The following SLC39A11 variants were observed in gnomAD, a reference collection of about 807,000 sequenced individuals.
SLC39A11 encodes solute carrier family 39 member 11.
Under a neutral mutation model 36.1 loss-of-function variants are expected in SLC39A11, and 33 were observed. The observed-to-expected ratio is 0.91, with a 90% CI of 0.69 to 1.22. SLC39A11 has a LOEUF of 1.22. SLC39A11 is among the 50% of genes most tolerant of loss of function. SLC39A11 has a pLI of 0.00. For missense variants in SLC39A11, 432 were observed against 430.3 expected, an observed-to-expected ratio of 1.00 and a Z score of -0.03; for synonymous variants, 166 against 170.3, an observed-to-expected ratio of 0.97 and a Z score of 0.20.
chr17:73,038,025 C>G (rs1342408741), intron 3 of SLC39A11, among the ~76,000 whole-genome samples: 1 of 152,206 alleles, frequency 6.6e-6, no homozygotes, highest in Admixed American at 6.5e-5. Flanking sequence ...GAGTTCATGA[C>G]CAGCCTGGCC....
At chr17:73,035,519 C>G (rs1276734320) in intron 3 of SLC39A11, among the ~76,000 whole-genome samples, 1 of 152,052 alleles carries the variant, frequency 6.6e-6, no homozygotes, top group African/African-American at 2.4e-5. Flanking sequence ...TTTCACCTTA[C>G]AAGTAAAAAG....
At chr17:73,049,195 A>C (rs560952311) in intron 3 of SLC39A11, among the ~76,000 whole-genome samples, 10 of 152,282 alleles carry the variant, frequency 6.6e-5, no homozygotes, top group Admixed American at 2.6e-4. Context: ...GATCTGGCAG[A>C]GGATATATCA....
chr17:72,686,022 ACT>A (rs777204085), intron 7 of SLC39A11, among the ~76,000 whole-genome samples: 5 of 148,300 alleles, frequency 3.4e-5, no homozygotes, highest in East Asian at 2.0e-4. Flanking sequence ...GGTGACTGAG[ACT>A]CTGTCTTAAA....
At chr17:72,838,057 G>T in intron 6 of SLC39A11, 1 of 1,145,406 alleles carries the variant, frequency 8.7e-7, no homozygotes, top group Non-Finnish European at 1.1e-6. Context: ...GCTGAAGCAG[G>T]AGGTTCTCTT....
chr17:72,654,063 G>T (rs986064089), intron 7 of SLC39A11, among the ~76,000 whole-genome samples: 28 of 152,160 alleles, frequency 1.8e-4, no homozygotes, highest in African/African-American at 6.8e-4. Flanking sequence ...GGGGCATGGG[G>T]AGTGAGCGGG....
At chr17:72,665,704 G>T (rs545788290) in intron 7 of SLC39A11, among the ~76,000 whole-genome samples, 1 of 151,980 alleles carries the variant, frequency 6.6e-6, no homozygotes, top group Non-Finnish European at 1.5e-5. Context: ...GAGGTATTCC[G>T]TTACGCAGCA....
intron 5 of SLC39A11, among the ~76,000 whole-genome samples, chr17:72,861,688 T>TATATAA (rs1169877556): frequency 6.8e-5 from 6 of 88,800 alleles, no homozygotes; most frequent in African/African-American, 1.8e-4. Context: ...TATATATATA[T>TATATAA]AAAATATATA....
intron 4 of SLC39A11, among the ~76,000 whole-genome samples, chr17:73,008,746 C>A (rs976285170): frequency 6.6e-6 from 1 of 152,060 alleles, no homozygotes; most frequent in Non-Finnish European, 1.5e-5. Flanking sequence ...GAATATTCTT[C>A]ATCCAAAAAA....
At chr17:72,920,684 C>A (rs1257175188) in intron 5 of SLC39A11, among the ~76,000 whole-genome samples, 3 of 125,814 alleles carry the variant, frequency 2.4e-5, no homozygotes, top group Non-Finnish European at 5.1e-5. Flanking sequence ...CACTTCTCAC[C>A]CCCTTACAAC....
chr17:72,969,501 C>T (rs1020208542), intron 4 of SLC39A11, among the ~76,000 whole-genome samples: 3 of 152,166 alleles, frequency 2.0e-5, no homozygotes, highest in Non-Finnish European at 4.4e-5. Context: ...TGGACACCAA[C>T]CAGGAACCTT....
chr17:72,997,221 C>T (rs767476709), intron 4 of SLC39A11, among the ~76,000 whole-genome samples: 47 of 152,128 alleles, frequency 3.1e-4, no homozygotes, highest in Non-Finnish European at 8.8e-5. Flanking sequence ...AATGAACGAG[C>T]CGGCCTGCTG....
intron 5 of SLC39A11, among the ~76,000 whole-genome samples, chr17:72,924,872 T>G (rs1241808712): frequency 2.0e-5 from 3 of 151,942 alleles, no homozygotes; most frequent in Non-Finnish European, 4.4e-5. Flanking sequence ...CATGGTGGCG[T>G]GCACCTGTAG....
chr17:72,973,358 C>T (rs1010315081), intron 4 of SLC39A11, among the ~76,000 whole-genome samples: 6 of 151,648 alleles, frequency 4.0e-5, no homozygotes, highest in Middle Eastern at 6.3e-3. Flanking sequence ...TGATGGCTGT[C>T]GCACCCCAAG....
intron 3 of SLC39A11, among the ~76,000 whole-genome samples, chr17:73,048,765 CG>C (rs1338437616): frequency 6.6e-6 from 1 of 152,106 alleles, no homozygotes; most frequent in Non-Finnish European, 1.5e-5. Context: ...GGCCTACAAG[CG>C]GATACTACGT....
intron 4 of SLC39A11, among the ~76,000 whole-genome samples, chr17:72,967,699 T>C (rs2087113263): frequency 6.6e-6 from 1 of 152,114 alleles, no homozygotes; most frequent in Non-Finnish European, 1.5e-5. Flanking sequence ...TTCTCTGACA[T>C]GTATCTTCAG....
chr17:72,816,546 T>C (rs961871929), intron 6 of SLC39A11, among the ~76,000 whole-genome samples: 7 of 152,186 alleles, frequency 4.6e-5, no homozygotes, highest in Admixed American at 1.3e-4. Context: ...AACAGGGTCA[T>C]AGAACACGTC....
intron 2 of SLC39A11, among the ~76,000 whole-genome samples, chr17:73,085,169 T>C (rs2060682634): frequency 6.6e-6 from 1 of 152,052 alleles, no homozygotes; most frequent in Admixed American, 6.6e-5. Context: ...AAGTTGGGAA[T>C]TACTGAGCGT....
intron 5 of SLC39A11, among the ~76,000 whole-genome samples, chr17:72,851,347 C>T (rs987077787): frequency 6.6e-6 from 1 of 152,170 alleles, no homozygotes; most frequent in African/African-American, 2.4e-5. Flanking sequence ...TGGGAGAGAG[C>T]ATCCAGCTTT....
At chr17:72,922,239 C>A (rs958226164) in intron 5 of SLC39A11, among the ~76,000 whole-genome samples, 7 of 152,228 alleles carry the variant, frequency 4.6e-5, no homozygotes, top group Non-Finnish European at 1.0e-4. Context: ...TTCAAACAAA[C>A]TTCCAAATCT....
Sources: gnomAD v4.1 joint callset for allele counts (sites outside exome capture counted in the v4.1 genomes callset) on GRCh38, gnomAD v4.1.1 for gene constraint, MANE v1.5 for transcripts, NCBI Gene and HGNC (gene_info 2026-07-23, HGNC 2026-07-21) for gene names.